CTBP2: variants seen among roughly 807,000 people sequenced by gnomAD.
The protein encoded by CTBP2 is C-terminal binding protein 2.
In CTBP2, 30 loss-of-function variants were observed where a neutral mutation model predicts 80.3. The observed-to-expected ratio is 0.37, with a 90% CI of 0.28 to 0.51. CTBP2 has a LOEUF of 0.51. CTBP2 is among the 20% of genes least tolerant of loss of function. CTBP2 has a pLI of 0.93. For synonymous variants in CTBP2, 594 were observed against 587.4 expected (o/e 1.01, Z -0.16); for missense variants, 1,212 against 1,375.3 (o/e 0.88, Z 1.88).
At chr10:125,013,210 C>A (rs1166359081) in intron 1 of CTBP2, among the ~76,000 whole-genome samples, 1 of 152,174 alleles carries the variant, frequency 6.6e-6, no homozygotes, top group Non-Finnish European at 1.5e-5. Context: ...TGCCCACCAT[C>A]TGCTCAGCCT....
At chr10:125,126,448 G>GT (rs1055948978) in intron 1 of CTBP2, among the ~76,000 whole-genome samples, 6 of 152,196 alleles carry the variant, frequency 3.9e-5, no homozygotes, top group African/African-American at 1.4e-4. Context: ...CGTTCCTAGC[G>GT]TATGGATAGG....
chr10:124,991,334 C>T (rs960787281), intron 8 of CTBP2, among the ~76,000 whole-genome samples: 76 of 152,138 alleles, frequency 5.0e-4, no homozygotes, highest in African/African-American at 1.7e-3. Context: ...CCTCAGTGCA[C>T]ACATACTGTT....
At chr10:125,041,412 C>CA (rs1250006608) in intron 2 of CTBP2, among the ~76,000 whole-genome samples, 2 of 149,620 alleles carry the variant, frequency 1.3e-5, no homozygotes, top group Admixed American at 6.7e-5. Flanking sequence ...GGTAACCACA[C>CA]AAAAAAAGAG....
rs181530538 is a variant in CTBP2, at chr10:125,015,663, C to T, written c.1678+10419G>A. 4.1e-3 allele frequency among the ~76,000 whole-genome samples: 626 copies of T among 152,322 alleles called. 4 individuals are homozygous for T. The highest frequency in any genetic ancestry group is 0.014 in the African/African-American group (595 of 41,582). On this transcript the variant is annotated intron_variant, in intron 1 of 8. Transcript: ENST00000309035. ...GCTCCCCGAAGCACTTCCAAGAAGGCGCCTCGCCCGCCCGCTGTGTGGATA... is the reference window on the plus strand; with the variant it reads ...GCTCCCCGAAGCACTTCCAAGAAGGTGCCTCGCCCGCCCGCTGTGTGGATA...
At chr10:125,156,969 C>T (rs1048150856) in intron 1 of CTBP2, among the ~76,000 whole-genome samples, 4 of 152,168 alleles carry the variant, frequency 2.6e-5, no homozygotes, top group Admixed American at 2.0e-4. Flanking sequence ...GGAAAGCACA[C>T]ACAACTTGGC....
At chr10:125,162,084 G>A (rs754803556), upstream of CTBP2, among the ~76,000 whole-genome samples, 1 of 152,248 alleles carries the variant, frequency 6.6e-6, no homozygotes, top group Non-Finnish European at 1.5e-5. Context: ...TCACTACCCT[G>A]AGTTCGGCGT....
At chr10:125,039,626 C>T (rs11245479) in intron 2 of CTBP2, among the ~76,000 whole-genome samples, 30,242 of 152,196 alleles carry the variant, frequency 0.2, 3,755 homozygotes, top group East Asian at 0.3. Context: ...CTTTCCAAAA[C>T]AGCCGCGCAG....
At chr10:125,113,964 G>A (rs988378080) in intron 1 of CTBP2, among the ~76,000 whole-genome samples, 1 of 152,162 alleles carries the variant, frequency 6.6e-6, no homozygotes, top group East Asian at 1.9e-4. Context: ...TTACTTGAAG[G>A]TCAAAAGAAG....
At chr10:125,118,835 A>G (rs1853821696) in intron 1 of CTBP2, among the ~76,000 whole-genome samples, 1 of 152,226 alleles carries the variant, frequency 6.6e-6, no homozygotes, top group South Asian at 2.1e-4. Flanking sequence ...AACACATCCC[A>G]ACTCAGAAGC....
chr10:125,099,289 A>G (rs1653478065), intron 2 of CTBP2, among the ~76,000 whole-genome samples: 2 of 152,226 alleles, frequency 1.3e-5, no homozygotes, highest in African/African-American at 4.8e-5. Flanking sequence ...CAACCTTGTA[A>G]GGCTGTGCCA....
chr10:125,053,514 G>A (rs1369803732), intron 2 of CTBP2, among the ~76,000 whole-genome samples: 1 of 152,188 alleles, frequency 6.6e-6, no homozygotes, highest in African/African-American at 2.4e-5. Flanking sequence ...ACCCAGGGAT[G>A]AGTGGCTCCT....
chr10:125,126,621 A>G (rs536484377), intron 1 of CTBP2, among the ~76,000 whole-genome samples: 1 of 152,370 alleles, frequency 6.6e-6, no homozygotes, highest in South Asian at 2.1e-4. Context: ...CTTCCCTGTT[A>G]GGGCAGATGT....
intron 1 of CTBP2, among the ~76,000 whole-genome samples, chr10:125,112,041 C>T (rs778796107): frequency 6.6e-6 from 1 of 151,926 alleles, no homozygotes; most frequent in Non-Finnish European, 1.5e-5. Context: ...CCAACCCCAC[C>T]TTACAACCAA....
At chr10:125,023,988 G>A (rs954555474) in intron 1 of CTBP2, among the ~76,000 whole-genome samples, 1 of 152,170 alleles carries the variant, frequency 6.6e-6, no homozygotes, top group Admixed American at 6.5e-5. Context: ...CAGGCTGGCG[G>A]CGTCCCAAAC....
intron 1 of CTBP2, among the ~76,000 whole-genome samples, chr10:125,022,998 G>A (rs927968253): frequency 2.0e-5 from 3 of 152,186 alleles, no homozygotes; most frequent in African/African-American, 7.2e-5. Context: ...GGAGATCAGC[G>A]TTCACACCTC....
chr10:125,016,029 C>G (rs1166943282), intron 1 of CTBP2, among the ~76,000 whole-genome samples: 2 of 151,904 alleles, frequency 1.3e-5, no homozygotes, highest in African/African-American at 2.4e-5. Flanking sequence ...GCTGGGTACC[C>G]GGATCCCTGC....
intron 2 of CTBP2, among the ~76,000 whole-genome samples, chr10:125,076,409 GA>G (rs1846278712): frequency 6.6e-6 from 1 of 152,284 alleles, no homozygotes; most frequent in South Asian, 2.1e-4. Flanking sequence ...CAACTTCAAG[GA>G]GGGTCAAGAT....
intron 1 of CTBP2, among the ~76,000 whole-genome samples, chr10:125,132,313 C>A (rs1856315918): frequency 6.6e-6 from 1 of 152,050 alleles, no homozygotes; most frequent in African/African-American, 2.4e-5. Flanking sequence ...AAAATGCCGT[C>A]AATTAAACTA....
chr10:125,113,377 A>T (rs1436691249), intron 1 of CTBP2, among the ~76,000 whole-genome samples: 1 of 152,198 alleles, frequency 6.6e-6, no homozygotes, highest in Non-Finnish European at 1.5e-5. Context: ...CCCATCTCCA[A>T]GTCTCTAAAG....
Sources: gnomAD v4.1 joint callset for allele counts (sites outside exome capture counted in the v4.1 genomes callset) on GRCh38, gnomAD v4.1.1 for gene constraint, MANE v1.5 for transcripts, NCBI Gene and HGNC (gene_info 2026-07-23, HGNC 2026-07-21) for gene names.